EHMT1: variants seen among roughly 807,000 people sequenced by gnomAD.
EHMT1 encodes the protein histone-lysine N-methyltransferase EHMT1.
EHMT1 carries 15 observed loss-of-function variants against 147.2 expected under a neutral mutation model. The ratio of observed to expected loss-of-function variants is 0.10; its 90% CI spans 0.07 to 0.16. The LOEUF is 0.16. Among genes scored for constraint, EHMT1 ranks in the 10% least tolerant of loss-of-function variants. The pLI, the probability that EHMT1 is intolerant of heterozygous loss-of-function variation, is 1.00. For missense variants in EHMT1, 1,587 were observed against 1,772.4 expected (o/e 0.90, Z 1.88); for synonymous variants, 795 against 709.6 (o/e 1.12, Z -1.91).
intron 6 of EHMT1, among the ~76,000 whole-genome samples, chr9:137,750,778 G>A (rs952925504): frequency 7.2e-5 from 11 of 152,234 alleles, no homozygotes; most frequent in Admixed American, 5.2e-4. Flanking sequence ...CGCGGCTGCC[G>A]GAGGGGACGC....
At chr9:137,721,177 C>A (rs1162719711) in intron 3 of EHMT1, among the ~76,000 whole-genome samples, 1 of 144,558 alleles carries the variant, frequency 6.9e-6, no homozygotes, top group African/African-American at 2.6e-5. Context: ...TCACACTCAC[C>A]CCCTCCCAGA....
intron 4 of EHMT1, chr9:137,743,128 T>C: frequency 2.0e-6 from 1 of 494,206 alleles, no homozygotes; most frequent in Non-Finnish European, 3.6e-6. Flanking sequence ...GCTCCGTGTT[T>C]TGTTGTGAAT....
intron 1 of EHMT1, among the ~76,000 whole-genome samples, chr9:137,701,498 G>T (rs768405940): frequency 4.0e-5 from 6 of 151,432 alleles, no homozygotes; most frequent in Non-Finnish European, 7.4e-5. Flanking sequence ...TGCTCTTGTC[G>T]CCCAGGCTGG....
intron 1 of EHMT1, among the ~76,000 whole-genome samples, chr9:137,640,090 G>A (rs957716339): frequency 2.0e-5 from 3 of 151,972 alleles, no homozygotes; most frequent in Admixed American, 2.0e-4. Flanking sequence ...ATGTGCCACT[G>A]TGCCCGGCTA....
chr9:137,702,999 C>T (rs1428151645), intron 1 of EHMT1, among the ~76,000 whole-genome samples: 1 of 152,238 alleles, frequency 6.6e-6, no homozygotes, highest in African/African-American at 2.4e-5. Flanking sequence ...AACTCTTGCC[C>T]TGTGTGCACC....
chr9:137,690,345 A>G (rs766529029), intron 1 of EHMT1, among the ~76,000 whole-genome samples: 1 of 152,016 alleles, frequency 6.6e-6, no homozygotes, highest in Non-Finnish European at 1.5e-5. Flanking sequence ...GCTGTTGCAT[A>G]ATAATCAGAC....
At position 137,637,010 on chromosome 9, in the gene EHMT1, G is replaced by A. The variant is rs549000934; in HGVS notation, c.21+17961G>A. 6.6e-4 allele frequency among the ~76,000 whole-genome samples: 99 copies of A among 149,424 alleles called. No homozygotes were observed. The East Asian group carries it at 0.018, about 27-fold the overall frequency. On this transcript the variant is annotated intron_variant, in intron 1 of 26. Coordinates refer to ENST00000460843, the MANE Select transcript of EHMT1 (RefSeq NM_024757.5). The stretch of plus-strand genomic sequence containing the variant: ...CCTCCTGGGTTCACGCCATTCTCCC[G>A]CCTCAGCCTCCTGAGTGGCTGGGAC...
At chr9:137,682,771 C>T (rs1037250884) in intron 1 of EHMT1, among the ~76,000 whole-genome samples, 2 of 152,208 alleles carry the variant, frequency 1.3e-5, no homozygotes, top group African/African-American at 4.8e-5. Context: ...AGTCTCAGTG[C>T]TGCACTGAGA....
intron 1 of EHMT1, among the ~76,000 whole-genome samples, chr9:137,678,263 A>G (rs1202292766): frequency 6.6e-6 from 1 of 152,124 alleles, no homozygotes; most frequent in Non-Finnish European, 1.5e-5. Context: ...TGACACTGCT[A>G]GAGCCCCCAG....
intron 3 of EHMT1, among the ~76,000 whole-genome samples, chr9:137,718,201 C>A (rs1042051137): frequency 4.6e-5 from 7 of 151,816 alleles, no homozygotes; most frequent in Non-Finnish European, 8.8e-5. Context: ...TCACGCGCAC[C>A]GTGCTGATTT....
intron 1 of EHMT1, among the ~76,000 whole-genome samples, chr9:137,639,041 A>G (rs1844292895): frequency 2.6e-5 from 4 of 152,076 alleles, no homozygotes; most frequent in Admixed American, 2.0e-4. Flanking sequence ...AAATGTTGAT[A>G]TGTTGTATTT....
In EHMT1 at chr9:137,797,276, C is replaced by T. The variant is rs752663619; in HGVS notation, c.2506-1537C>T. On this transcript the variant is annotated intron_variant, in intron 16 of 26. Transcript: ENST00000460843. Reference sequence around the variant, plus strand: ...GCCTTTCCTTACCTGCAGCCCCGCTCTTTGCCACCTTCACGTCTATTCCCA... The same window carrying T: ...GCCTTTCCTTACCTGCAGCCCCGCTTTTTGCCACCTTCACGTCTATTCCCA... 2.0e-5 allele frequency among the ~76,000 whole-genome samples: 3 copies of T among 152,154 alleles called. No individual in the cohort carries two copies. In the South Asian group the frequency reaches 6.2e-4, roughly 32 times the overall value.
intron 1 of EHMT1, chr9:137,680,771 C>G (rs1005253432): frequency 6.6e-6 from 1 of 152,276 alleles, no homozygotes; most frequent in African/African-American, 2.4e-5. Flanking sequence ...ACCCTAACCC[C>G]GAGCTGCTCC....
intron 1 of EHMT1, among the ~76,000 whole-genome samples, chr9:137,695,625 T>C (rs894040628): frequency 6.6e-6 from 1 of 152,242 alleles, no homozygotes; most frequent in African/African-American, 2.4e-5. Context: ...CTTCCACATC[T>C]GGTGGCCAGT....
intron 3 of EHMT1, among the ~76,000 whole-genome samples, chr9:137,719,652 G>A (rs1489361051): frequency 6.6e-6 from 1 of 152,198 alleles, no homozygotes; most frequent in East Asian, 1.9e-4. Flanking sequence ...CAGTGGTGAT[G>A]TCTTTGATAA....
chr9:137,750,695 A>G (rs1422949925), intron 6 of EHMT1, among the ~76,000 whole-genome samples: 1 of 151,672 alleles, frequency 6.6e-6, no homozygotes, highest in Non-Finnish European at 1.5e-5. Context: ...GGAGGTGGAG[A>G]CCCTCTGGAG....
At chr9:137,673,819 T>C (rs1373931786) in intron 1 of EHMT1, among the ~76,000 whole-genome samples, 2 of 152,234 alleles carry the variant, frequency 1.3e-5, no homozygotes, top group Non-Finnish European at 2.9e-5. Context: ...ACACAATTAC[T>C]ATGAATATAG....
chr9:137,796,510 C>G (rs1952955527), intron 16 of EHMT1, among the ~76,000 whole-genome samples: 1 of 151,938 alleles, frequency 6.6e-6, no homozygotes, highest in African/African-American at 2.4e-5. Context: ...CGAGGCCATC[C>G]TGGCTAACAC....
chr9:137,748,400 T>C (rs1948716850), intron 6 of EHMT1, among the ~76,000 whole-genome samples: 1 of 152,238 alleles, frequency 6.6e-6, no homozygotes, highest in South Asian at 2.1e-4. Flanking sequence ...CGTGTCTGTG[T>C]CCGTCCCACT....
Sources: allele counts gnomAD v4.1 joint callset (sites outside exome capture counted in the v4.1 genomes callset), GRCh38; gene constraint gnomAD v4.1.1; transcripts MANE v1.5; gene names NCBI Gene and HGNC (gene_info 2026-07-23, HGNC 2026-07-21).